LYPLAL1: variants seen among roughly 807,000 people sequenced by gnomAD.
LYPLAL1 encodes the protein lysophospholipase like 1, also known as lysophospholipase-like protein 1.
In LYPLAL1, 23 loss-of-function variants were observed where a neutral mutation model predicts 19.7. The observed-to-expected ratio is 1.17, with a 90% CI of 0.84 to 1.65. The LOEUF (loss-of-function observed/expected upper bound fraction) is 1.65. Among genes scored for constraint, LYPLAL1 ranks in the 40% most tolerant of loss-of-function variants. LYPLAL1 has a pLI of 0.00. For missense variants in LYPLAL1, 355 were observed against 279.4 expected (o/e 1.27, Z -1.93); for synonymous variants, 119 against 96.3 (o/e 1.24, Z -1.38).
the LYPLAL1 span, among the ~76,000 whole-genome samples, chr1:219,295,454 A>C: frequency 6.6e-6 from 1 of 152,170 alleles, no homozygotes; most frequent in East Asian, 1.9e-4. Context: ...GATATAAGAC[A>C]AATTTTCGGG....
chr1:219,409,301 T>C, the LYPLAL1 span, among the ~76,000 whole-genome samples: 1 of 151,900 alleles, frequency 6.6e-6, no homozygotes, highest in Non-Finnish European at 1.5e-5. Flanking sequence ...GTACAAAAAT[T>C]AGCCGGGTGT....
At chr1:219,426,647 G>A in the LYPLAL1 span, among the ~76,000 whole-genome samples, 3 of 151,686 alleles carry the variant, frequency 2.0e-5, no homozygotes, top group East Asian at 5.8e-4. Flanking sequence ...CACCCAGGCT[G>A]CAATGCAGTA....
chr1:219,240,109 A>G, the LYPLAL1 span, among the ~76,000 whole-genome samples: 1 of 152,346 alleles, frequency 6.6e-6, no homozygotes, highest in Non-Finnish European at 1.5e-5. Flanking sequence ...CTACAGTTGT[A>G]TGTCTGTGTG....
At chr1:219,189,284 G>A (rs1017513465) in intron 2 of LYPLAL1, among the ~76,000 whole-genome samples, 2 of 151,612 alleles carry the variant, frequency 1.3e-5, no homozygotes, top group African/African-American at 4.8e-5. Flanking sequence ...AAGGGAAGTA[G>A]AACAATTCAG....
chr1:219,353,849 A>G, the LYPLAL1 span, among the ~76,000 whole-genome samples: 1 of 152,234 alleles, frequency 6.6e-6, no homozygotes, highest in African/African-American at 2.4e-5. Context: ...TGAAATTAAC[A>G]AACAAAAACT....
chr1:219,335,818 T>C, the LYPLAL1 span, among the ~76,000 whole-genome samples: 2 of 151,766 alleles, frequency 1.3e-5, no homozygotes, highest in Non-Finnish European at 2.9e-5. Flanking sequence ...ACAAAGCTTA[T>C]GAGAGAGACA....
At chr1:219,184,056 G>A (rs908304139) in intron 2 of LYPLAL1, among the ~76,000 whole-genome samples, 4 of 151,720 alleles carry the variant, frequency 2.6e-5, no homozygotes, top group Admixed American at 6.6e-5. Flanking sequence ...TTGCATTTAC[G>A]TGTAAATTTT....
chr1:219,327,539 T>A, the LYPLAL1 span, among the ~76,000 whole-genome samples: 1 of 152,222 alleles, frequency 6.6e-6, no homozygotes, highest in African/African-American at 2.4e-5. Context: ...GGATTTCATC[T>A]GATCAGCAAT....
chr1:219,223,300 T>C, the LYPLAL1 span: 18 of 152,100 alleles, frequency 1.2e-4, no homozygotes, highest in African/African-American at 4.3e-4. Context: ...GGAAATAAAG[T>C]GAAAAATAAT....
At chr1:219,203,973 A>T (rs1257778590) in intron 3 of LYPLAL1, among the ~76,000 whole-genome samples, 1 of 152,138 alleles carries the variant, frequency 6.6e-6, no homozygotes, top group Non-Finnish European at 1.5e-5. Flanking sequence ...TTTGTTTTCT[A>T]AGCTTTCTGC....
At chr1:219,245,197 CTT>C in the LYPLAL1 span, among the ~76,000 whole-genome samples, 1 of 139,668 alleles carries the variant, frequency 7.2e-6, no homozygotes, top group Non-Finnish European at 1.6e-5. Flanking sequence ...TCCTTCCTTC[CTT>C]CCTTCCTTCC....
chr1:219,245,555 T>C, the LYPLAL1 span, among the ~76,000 whole-genome samples: 5 of 152,190 alleles, frequency 3.3e-5, no homozygotes, highest in Admixed American at 2.0e-4. Flanking sequence ...TTTTAACTTA[T>C]ATGAGAGCAA....
At chr1:219,444,178 C>A in the LYPLAL1 span, among the ~76,000 whole-genome samples, 1 of 152,206 alleles carries the variant, frequency 6.6e-6, no homozygotes, top group Non-Finnish European at 1.5e-5. Flanking sequence ...CTTACCCAGA[C>A]ACCTTGTTCC....
At chr1:219,353,489 T>G in the LYPLAL1 span, among the ~76,000 whole-genome samples, 3 of 152,204 alleles carry the variant, frequency 2.0e-5, no homozygotes, top group African/African-American at 7.2e-5. Flanking sequence ...TTTCACCAAC[T>G]GGAATGTAGA....
the LYPLAL1 span, among the ~76,000 whole-genome samples, chr1:219,227,889 A>G: frequency 6.6e-6 from 1 of 152,192 alleles, no homozygotes; most frequent in Non-Finnish European, 1.5e-5. Context: ...AACTGACTTA[A>G]GCAATAAAGA....
At chr1:219,368,572 C>T in the LYPLAL1 span, among the ~76,000 whole-genome samples, 1 of 152,172 alleles carries the variant, frequency 6.6e-6, no homozygotes, top group African/African-American at 2.4e-5. Context: ...AGGGCTCTGT[C>T]AGCCAGAGAA....
the LYPLAL1 span, among the ~76,000 whole-genome samples, chr1:219,374,022 T>G: frequency 1.3e-5 from 2 of 152,096 alleles, no homozygotes; most frequent in East Asian, 1.9e-4. Context: ...GGTCAAATAC[T>G]GAAACTCCAA....
the LYPLAL1 span, among the ~76,000 whole-genome samples, chr1:219,248,157 G>A: frequency 6.6e-6 from 1 of 152,162 alleles, no homozygotes; most frequent in Non-Finnish European, 1.5e-5. Context: ...AGTTTTAAGA[G>A]TCAAATGCTC....
At chr1:219,176,060 A>T (rs1358626773) in intron 1 of LYPLAL1, among the ~76,000 whole-genome samples, 6 of 152,336 alleles carry the variant, frequency 3.9e-5, no homozygotes, top group South Asian at 2.1e-4. Context: ...GTTTTCAAAT[A>T]AAAAACCTTA....
Sources: gnomAD v4.1 joint callset for allele counts (sites outside exome capture counted in the v4.1 genomes callset) on GRCh38, gnomAD v4.1.1 for gene constraint, MANE v1.5 for transcripts, NCBI Gene and HGNC (gene_info 2026-07-23, HGNC 2026-07-21) for gene names.